The following PPM1L variants were observed in gnomAD, a reference collection of about 807,000 sequenced individuals.
The protein encoded by PPM1L is protein phosphatase, Mg2+/Mn2+ dependent 1L, also known as protein phosphatase 1L.
In PPM1L, 13 loss-of-function variants were observed where a neutral mutation model predicts 31.4. The observed-to-expected ratio is 0.41, with a 90% CI of 0.27 to 0.66. The LOEUF (loss-of-function observed/expected upper bound fraction) is 0.66. Among genes scored for constraint, PPM1L ranks in the 30% least tolerant of loss-of-function variants. The pLI, the probability that PPM1L is intolerant of heterozygous loss-of-function variation, is 0.29. For missense variants in PPM1L, 326 were observed against 453.7 expected (o/e 0.72, Z 2.56); for synonymous variants, 184 against 175.4 (o/e 1.05, Z -0.39).
At chr3:161,038,526 A>T (rs371557616) in intron 2 of PPM1L, among the ~76,000 whole-genome samples, 1 of 149,488 alleles carries the variant, frequency 6.7e-6, no homozygotes, top group Non-Finnish European at 1.5e-5. Context: ...GCCCAGGCTC[A>T]AACTTCTGGT....
At chr3:160,827,045 G>T (rs1174786338) in intron 1 of PPM1L, among the ~76,000 whole-genome samples, 1 of 152,156 alleles carries the variant, frequency 6.6e-6, no homozygotes, top group Non-Finnish European at 1.5e-5. Flanking sequence ...GACAAAATGT[G>T]GTTCCAATAC....
Position 161,069,450 on chromosome 3 carries a change from G to A in PPM1L, c.*293G>A. The A allele has an allele frequency of 2.8e-6, 1 of 356,714 alleles. No homozygotes were observed. Among genetic ancestry groups the A allele is most frequent in the East Asian group, 6.0e-5 (1 of 16,806 alleles). 22.1% of individuals were successfully genotyped at this position (356,714 alleles called of 1,614,324 possible). A position where few individuals can be genotyped will look rare whatever the true frequency, so the allele number is the denominator to read the frequency against. ...CATATATGAAGTGAATAGCATATGT[G>A]TCATTTAGTCTCCCTGAAGATTCTT... On this transcript the variant is annotated 3_prime_UTR_variant, in exon 4 of 4. Coordinates refer to ENST00000498165, the MANE Select transcript of PPM1L (RefSeq NM_139245.4).
chr3:160,798,614 C>G (rs1712331565), intron 1 of PPM1L, among the ~76,000 whole-genome samples: 1 of 152,190 alleles, frequency 6.6e-6, no homozygotes, highest in Non-Finnish European at 1.5e-5. Flanking sequence ...AAAAAGATTT[C>G]TTTCAAAATA....
Position 160,978,650 on chromosome 3 carries a change from T to G in PPM1L, c.574+16740T>G, listed in dbSNP as rs150396562. ...TTCAAGATCAGCCTGGGTAACATGG[T>G]GAAACCCCATTTCTATAAAAATAAG... On this transcript the variant is annotated intron_variant, in intron 2 of 3. Coordinates refer to ENST00000498165, the MANE Select transcript of PPM1L (RefSeq NM_139245.4). Among the ~76,000 whole-genome samples, 359 of 152,020 alleles carry G rather than the reference T, an allele frequency of 2.4e-3. 5 individuals are homozygous for G. Among genetic ancestry groups the G allele is most frequent in the Non-Finnish European group, 2.6e-3 (177 of 67,954 alleles).
intron 2 of PPM1L, among the ~76,000 whole-genome samples, chr3:161,038,432 C>T (rs1052290401): frequency 2.0e-5 from 3 of 151,776 alleles, no homozygotes; most frequent in Non-Finnish European, 4.4e-5. Context: ...TGACCTCAGC[C>T]TCCTGAGCAG....
chr3:160,796,262 G>C (rs960720743), intron 1 of PPM1L, among the ~76,000 whole-genome samples: 4 of 152,176 alleles, frequency 2.6e-5, no homozygotes, highest in Non-Finnish European at 5.9e-5. Context: ...CATATTTATA[G>C]CTCTCTTTTT....
intron 2 of PPM1L, among the ~76,000 whole-genome samples, chr3:160,992,987 T>C (rs1343727543): frequency 1.3e-5 from 2 of 152,108 alleles, no homozygotes; most frequent in Non-Finnish European, 2.9e-5. Context: ...ACCTGACTAC[T>C]ACTATTTTTA....
At chr3:160,830,085 G>A (rs1265226853) in intron 1 of PPM1L, among the ~76,000 whole-genome samples, 1 of 152,162 alleles carries the variant, frequency 6.6e-6, no homozygotes, top group Non-Finnish European at 1.5e-5. Context: ...TCTTGGCCTT[G>A]TGAGCTGGCT....
intron 2 of PPM1L, among the ~76,000 whole-genome samples, chr3:160,968,465 TG>T (rs1716223714): frequency 1.3e-5 from 2 of 152,234 alleles, no homozygotes; most frequent in South Asian, 4.1e-4. Context: ...TGTGTCATAG[TG>T]GGCAAAAGTC....
chr3:160,879,414 A>C (rs1441266420), intron 1 of PPM1L, among the ~76,000 whole-genome samples: 1 of 152,104 alleles, frequency 6.6e-6, no homozygotes, highest in Non-Finnish European at 1.5e-5. Flanking sequence ...AGTGGAGGGA[A>C]GTGTCATTAA....
intron 1 of PPM1L, among the ~76,000 whole-genome samples, chr3:160,886,429 C>T (rs991235401): frequency 1.3e-5 from 2 of 152,192 alleles, no homozygotes; most frequent in Non-Finnish European, 2.9e-5. Flanking sequence ...TTTTCAGACA[C>T]TCTATACAGG....
chr3:160,777,532 G>T (rs1370033278), intron 1 of PPM1L, among the ~76,000 whole-genome samples: 1 of 152,040 alleles, frequency 6.6e-6, no homozygotes, highest in Non-Finnish European at 1.5e-5. Flanking sequence ...TTTCCTCCCT[G>T]TAGCCCCCTG....
In PPM1L at chr3:160,756,335, G is replaced by C; in HGVS notation, c.27G>C (p.Leu9=). 5 of 1,613,996 alleles carry C rather than the reference G, an allele frequency of 3.1e-6. No individual in the cohort carries two copies. Among genetic ancestry groups the C allele is most frequent in the Non-Finnish European group, 4.2e-6 (5 of 1,179,870 alleles). The part of the protein sequence containing the change: MIEDTMTL[L]SLLGRIMRYF... ...TGATAGAGGATACAATGACTTTGCTGTCTCTGCTGGGTCGCATCATGCGCT... is the reference window on the plus strand; with the variant it reads ...TGATAGAGGATACAATGACTTTGCTCTCTCTGCTGGGTCGCATCATGCGCT... The change falls in exon 1 of 4, where the codon CTG becomes CTC. Residue 9 remains leucine (L), a synonymous_variant. Coordinates refer to ENST00000498165, the MANE Select transcript of PPM1L (RefSeq NM_139245.4). This position sits in a 1 kb window ranked among gnomAD's most constrained non-coding sequence, Gnocchi z 6.2.
intron 1 of PPM1L, among the ~76,000 whole-genome samples, chr3:160,764,853 C>T (rs1715066306): frequency 6.6e-6 from 1 of 152,130 alleles, no homozygotes; most frequent in Non-Finnish European, 1.5e-5. Flanking sequence ...AGAAATTACT[C>T]AACTGCTTCC....
In PPM1L at chr3:161,030,086, G is replaced by T. The variant is rs370921311; in HGVS notation, c.575-35317G>T. Among the ~76,000 whole-genome samples, 4 of 152,226 alleles carry T rather than the reference G, an allele frequency of 2.6e-5. No individual in the cohort carries two copies. The East Asian group carries it at 5.8e-4, about 22-fold the overall frequency. Reference sequence around the variant, plus strand: ...TGTCTCAGACAAAATTTTACAGACTGTCTCCTATTTTCCATTTTACAGTTT... The same window carrying T: ...TGTCTCAGACAAAATTTTACAGACTTTCTCCTATTTTCCATTTTACAGTTT... On this transcript the variant is annotated intron_variant, in intron 2 of 3. Transcript: ENST00000498165.
At chr3:160,878,392 A>C (rs1712589434) in intron 1 of PPM1L, among the ~76,000 whole-genome samples, 1 of 152,222 alleles carries the variant, frequency 6.6e-6, no homozygotes. Flanking sequence ...CTAAAATCAA[A>C]GTGCTGGCTT....
At chr3:160,977,308 G>T (rs1447499857) in intron 2 of PPM1L, among the ~76,000 whole-genome samples, 1 of 152,096 alleles carries the variant, frequency 6.6e-6, no homozygotes, top group African/African-American at 2.4e-5. Context: ...TCAATCCTAG[G>T]GAATTCTAAA....
intron 2 of PPM1L, among the ~76,000 whole-genome samples, chr3:161,041,585 C>G (rs1718910859): frequency 6.6e-6 from 1 of 152,110 alleles, no homozygotes; most frequent in Non-Finnish European, 1.5e-5. Context: ...CCCATCTCTA[C>G]TAAAAATACA....
At chr3:160,809,103 C>G (rs1229294830) in intron 1 of PPM1L, among the ~76,000 whole-genome samples, 1 of 152,168 alleles carries the variant, frequency 6.6e-6, no homozygotes, top group Non-Finnish European at 1.5e-5. Context: ...TCCCGAGGTC[C>G]AGCTCTGCCA....
Sources: gnomAD v4.1 joint callset for allele counts (sites outside exome capture counted in the v4.1 genomes callset) on GRCh38, gnomAD v4.1.1 for gene constraint, Gnocchi (gnomAD v3.1) non-coding constraint, MANE v1.5 for transcripts, NCBI Gene and HGNC (gene_info 2026-07-23, HGNC 2026-07-21) for gene names.